Variants in ALCAM observed in about 807,000 individuals in gnomAD.
ALCAM encodes activated leukocyte cell adhesion molecule, also known as CD166 antigen.
ALCAM carries 30 observed loss-of-function variants against 70.9 expected under a neutral mutation model. That is an observed-to-expected ratio of 0.42 (90% confidence interval 0.32 to 0.57). The LOEUF is 0.57. Ranked by LOEUF, ALCAM falls within the 20% of genes least tolerant of loss-of-function variation. The probability of loss-of-function intolerance (pLI) is 0.11; values close to 1 mark genes in which losing one functional copy is unlikely to be tolerated. For synonymous variants in ALCAM, 249 were observed against 242.5 expected, an observed-to-expected ratio of 1.03 and a Z score of -0.25; for missense variants, 591 against 695.1, an observed-to-expected ratio of 0.85 and a Z score of 1.68.
intron 1 of ALCAM, among the ~76,000 whole-genome samples, chr3:105,442,852 T>A (rs1210294489): frequency 6.6e-6 from 1 of 152,158 alleles, no homozygotes; most frequent in Non-Finnish European, 1.5e-5. Flanking sequence ...ATATACTTTT[T>A]AAGATAAGGT....
intron 14 of ALCAM, among the ~76,000 whole-genome samples, chr3:105,568,742 G>C (rs1193210111): frequency 6.6e-6 from 1 of 152,100 alleles, no homozygotes; most frequent in Admixed American, 6.6e-5. Flanking sequence ...TGCCCTCAGA[G>C]GAAAAGCCAT....
At chr3:105,419,909 T>G (rs766184764) in intron 1 of ALCAM, among the ~76,000 whole-genome samples, 1 of 151,764 alleles carries the variant, frequency 6.6e-6, no homozygotes, top group Admixed American at 6.6e-5. Flanking sequence ...TCTGCCAACA[T>G]GAATATTTGT....
chr3:105,534,849 A>G lies in ALCAM; in HGVS notation c.730+4A>G, dbSNP rs1227551104. ...CAGGCAGTATTTGATATTTACTGTA[A>G]GTAATTCAATATATAATTATGCTAT... On this transcript the variant is annotated splice_donor_region_variant and intron_variant, in intron 6 of 15. Transcript: ENST00000306107. The G allele has an allele frequency of 6.2e-7, 1 of 1,601,712 alleles. No homozygotes were observed. The highest frequency in any genetic ancestry group is 8.5e-7 in the Non-Finnish European group (1 of 1,172,658).
At chr3:105,570,533 A>G (rs62262970) in intron 14 of ALCAM, among the ~76,000 whole-genome samples, 12,338 of 152,216 alleles carry the variant, frequency 0.081, 653 homozygotes, top group South Asian at 0.17. Context: ...AGGAAAAAGA[A>G]CAGCCAAGAC....
chr3:105,559,571 C>G (rs1212739202), intron 14 of ALCAM, among the ~76,000 whole-genome samples: 1 of 151,936 alleles, frequency 6.6e-6, no homozygotes. Context: ...CGTAAGGGCT[C>G]CACCTTTACA....
At chr3:105,570,003 T>C (rs901901993) in intron 14 of ALCAM, among the ~76,000 whole-genome samples, 1 of 152,112 alleles carries the variant, frequency 6.6e-6, no homozygotes, top group African/African-American at 2.4e-5. Context: ...CCTGATAGAA[T>C]TGTGTAATCA....
intron 6 of ALCAM, among the ~76,000 whole-genome samples, chr3:105,536,642 C>G (rs760564004): frequency 5.3e-5 from 8 of 152,152 alleles, no homozygotes; most frequent in Non-Finnish European, 1.0e-4. Flanking sequence ...TTTTAAGAAG[C>G]CACAGTGGGC....
At chr3:105,478,091 A>T (rs1938170827) in intron 1 of ALCAM, among the ~76,000 whole-genome samples, 1 of 151,744 alleles carries the variant, frequency 6.6e-6, no homozygotes, top group African/African-American at 2.4e-5. Flanking sequence ...AATTGCTCAT[A>T]TTTCTCTGTT....
chr3:105,475,290 C>G (rs1307623901), intron 1 of ALCAM, among the ~76,000 whole-genome samples: 1 of 151,854 alleles, frequency 6.6e-6, no homozygotes, highest in Non-Finnish European at 1.5e-5. Flanking sequence ...ACAGATAACT[C>G]TATATAATAT....
intron 14 of ALCAM, among the ~76,000 whole-genome samples, chr3:105,555,234 T>G (rs1940491029): frequency 6.6e-6 from 1 of 152,036 alleles, no homozygotes; most frequent in Non-Finnish European, 1.5e-5. Context: ...TGAACATTCA[T>G]CTAAATAACT....
At chr3:105,572,719 A>G (rs905994474) in intron 15 of ALCAM, among the ~76,000 whole-genome samples, 6 of 152,090 alleles carry the variant, frequency 3.9e-5, no homozygotes, top group African/African-American at 1.2e-4. Context: ...AAGCGTTCCT[A>G]TTTTTCCACA....
At chr3:105,404,978 T>C (rs1036222345) in intron 1 of ALCAM, among the ~76,000 whole-genome samples, 1 of 151,858 alleles carries the variant, frequency 6.6e-6, no homozygotes, top group African/African-American at 2.4e-5. Context: ...CAACAGCAGT[T>C]AAAAAAGACA....
intron 1 of ALCAM, among the ~76,000 whole-genome samples, chr3:105,478,587 A>G (rs910117430): frequency 1.3e-5 from 2 of 152,076 alleles, no homozygotes; most frequent in African/African-American, 4.8e-5. Flanking sequence ...ACAACCCTAT[A>G]ATAGAATCTT....
At chr3:105,571,426 C>T (rs569684644) in intron 14 of ALCAM, among the ~76,000 whole-genome samples, 1 of 152,216 alleles carries the variant, frequency 6.6e-6, no homozygotes. Flanking sequence ...GGTGTTAGCT[C>T]AACTGGGATA....
At chr3:105,446,156 T>C (rs1057043270) in intron 1 of ALCAM, among the ~76,000 whole-genome samples, 12 of 151,984 alleles carry the variant, frequency 7.9e-5, no homozygotes, top group Non-Finnish European at 1.5e-4. Context: ...AATTTAAAAA[T>C]ATGCAAAACA....
chr3:105,389,046 T>C (rs899348494), intron 1 of ALCAM, among the ~76,000 whole-genome samples: 6 of 151,692 alleles, frequency 4.0e-5, no homozygotes, highest in South Asian at 2.1e-4. Context: ...CAAAGTGAGA[T>C]AATTTTTGGA....
chr3:105,435,224 A>T (rs1364189962), intron 1 of ALCAM, among the ~76,000 whole-genome samples: 1 of 152,236 alleles, frequency 6.6e-6, no homozygotes, highest in Non-Finnish European at 1.5e-5. Context: ...AAAATATAAG[A>T]TTAATTATAA....
intron 1 of ALCAM, among the ~76,000 whole-genome samples, chr3:105,396,574 G>A (rs1397737380): frequency 6.6e-6 from 1 of 152,036 alleles, no homozygotes; most frequent in Non-Finnish European, 1.5e-5. Context: ...GAGTTTTTAA[G>A]TAGAATTAAT....
intron 1 of ALCAM, among the ~76,000 whole-genome samples, chr3:105,435,550 A>C (rs759873428): frequency 6.6e-6 from 1 of 152,242 alleles, no homozygotes; most frequent in Non-Finnish European, 1.5e-5. Flanking sequence ...CATTTGTTAT[A>C]ATTCTTTTAG....
Sources: allele counts gnomAD v4.1 joint callset (sites outside exome capture counted in the v4.1 genomes callset), GRCh38; gene constraint gnomAD v4.1.1; transcripts MANE v1.5; gene names NCBI Gene and HGNC (gene_info 2026-07-23, HGNC 2026-07-21).